The following RAB27B variants were observed in gnomAD, a reference collection of about 807,000 sequenced individuals.
RAB27B encodes the protein ras-related protein Rab-27B.
In RAB27B, 15 loss-of-function variants were observed where a neutral mutation model predicts 24.6. The observed-to-expected ratio is 0.61, with a 90% CI of 0.41 to 0.94. The LOEUF (loss-of-function observed/expected upper bound fraction) is 0.94. Among genes scored for constraint, RAB27B ranks in the 40% least tolerant of loss-of-function variants. The pLI is 0.00. For missense variants in RAB27B, 261 were observed against 266.8 expected (o/e 0.98, Z 0.15); for synonymous variants, 105 against 92.5 (o/e 1.14, Z -0.78).
chr18:54,887,664 A>G (rs1305522198), intron 4 of RAB27B, among the ~76,000 whole-genome samples: 1 of 152,182 alleles, frequency 6.6e-6, no homozygotes, highest in Non-Finnish European at 1.5e-5. Context: ...AGAACAGCGC[A>G]TGGATTAAAA....
chr18:54,719,086 C>G (rs1414322396), intron 2 of RAB27B, among the ~76,000 whole-genome samples: 1 of 152,052 alleles, frequency 6.6e-6, no homozygotes, highest in Non-Finnish European at 1.5e-5. Flanking sequence ...ACAGTACCAA[C>G]AAAATTTATT....
chr18:54,746,334 T>C (rs1328010470), intron 2 of RAB27B, among the ~76,000 whole-genome samples: 1 of 152,160 alleles, frequency 6.6e-6, no homozygotes, highest in African/African-American at 2.4e-5. Context: ...TTCTGGACGG[T>C]AAGAATGTTA....
chr18:54,844,177 G>C (rs1568092515), intron 1 of RAB27B, among the ~76,000 whole-genome samples: 1 of 152,112 alleles, frequency 6.6e-6, no homozygotes, highest in Non-Finnish European at 1.5e-5. Flanking sequence ...AAGAGACAGT[G>C]AATTAGCCAA....
At position 54,888,616 on chromosome 18, in the gene RAB27B, T is replaced by TA. The variant is rs893902941; in HGVS notation, c.467+509dup. ...TCCCAGCTGAGCTTGAATGGCAGCT[T>TA]AAAAAAAAAAACAGAAACAACACCC... On this transcript the variant is annotated intron_variant, in intron 5 of 5. Coordinates refer to ENST00000262094, the MANE Select transcript of RAB27B (RefSeq NM_004163.4). 3.1e-3 allele frequency among the ~76,000 whole-genome samples: 453 copies of TA among 145,642 alleles called. 1 individual carries two copies. The highest frequency in any genetic ancestry group is 9.6e-3 in the African/African-American group (383 of 40,044).
chr18:54,798,384 C>T (rs998590868), intron 2 of RAB27B, among the ~76,000 whole-genome samples: 6 of 152,224 alleles, frequency 3.9e-5, no homozygotes, highest in Admixed American at 2.6e-4. Flanking sequence ...TTCCATTTTG[C>T]TGATGACAAA....
chr18:54,768,473 A>G (rs774060493), intron 2 of RAB27B, among the ~76,000 whole-genome samples: 4 of 152,144 alleles, frequency 2.6e-5, no homozygotes, highest in Non-Finnish European at 4.4e-5. Flanking sequence ...CATATGTACT[A>G]AAAGTGGTCA....
At chr18:54,859,583 G>A (rs963641538) in intron 1 of RAB27B, among the ~76,000 whole-genome samples, 3 of 151,964 alleles carry the variant, frequency 2.0e-5, no homozygotes, top group African/African-American at 7.3e-5. Flanking sequence ...CTCTGAATGA[G>A]GCACCAAGAA....
At chr18:54,856,270 A>C (rs1911782244) in intron 1 of RAB27B, among the ~76,000 whole-genome samples, 1 of 152,206 alleles carries the variant, frequency 6.6e-6, no homozygotes, top group Non-Finnish European at 1.5e-5. Context: ...ATTCAGGTAG[A>C]GAGAACTGCA....
At chr18:54,787,161 A>C (rs994491968) in intron 2 of RAB27B, among the ~76,000 whole-genome samples, 1 of 152,150 alleles carries the variant, frequency 6.6e-6, no homozygotes, top group African/African-American at 2.4e-5. Flanking sequence ...CAGTTCTCCG[A>C]GGTTGGCTCC....
At chr18:54,787,764 A>G (rs2311211) in intron 2 of RAB27B, among the ~76,000 whole-genome samples, 146,461 of 151,996 alleles carry the variant, frequency 0.96, 70,797 homozygotes, top group South Asian at 1. Flanking sequence ...CTTGCCAATC[A>G]CTAGTGAGAT....
Position 54,892,609 on chromosome 18 carries a change from A to T in RAB27B, c.*3196A>T, listed in dbSNP as rs1419617563. The T allele has an allele frequency of 1.3e-5, 2 of 152,114 alleles. No individual in the cohort carries two copies. The highest frequency in any genetic ancestry group is 3.9e-4 in the East Asian group (2 of 5,190). The allele number at this position is 152,114 out of a possible 1,614,324, so 9.4% of individuals were successfully genotyped here. ...TAATGTTTGTCTTGGTCTGATAATG[A>T]TAAGAAGTCAAGGATTGGCAGAGAA... On this transcript the variant is annotated 3_prime_UTR_variant, in exon 6 of 6. Coordinates refer to ENST00000262094, the MANE Select transcript of RAB27B (RefSeq NM_004163.4).
At chr18:54,807,086 A>G (rs755991202) in intron 2 of RAB27B, among the ~76,000 whole-genome samples, 1 of 152,100 alleles carries the variant, frequency 6.6e-6, no homozygotes, top group Non-Finnish European at 1.5e-5. Flanking sequence ...TTTCTAGTAC[A>G]GATGGGGTTT....
intron 2 of RAB27B, among the ~76,000 whole-genome samples, chr18:54,726,667 G>C (rs1338866278): frequency 6.6e-6 from 1 of 151,570 alleles, no homozygotes; most frequent in Non-Finnish European, 1.5e-5. Flanking sequence ...AATAATACTG[G>C]AGGAAACATT....
At chr18:54,833,245 T>TTTTTA (rs1910762075) in intron 1 of RAB27B, among the ~76,000 whole-genome samples, 1 of 149,908 alleles carries the variant, frequency 6.7e-6, no homozygotes, top group Non-Finnish European at 1.5e-5. Context: ...TTTTTTTTTT[T>TTTTTA]TTTGAGATGG....
chr18:54,876,833 G>A (rs1423111252), intron 1 of RAB27B, among the ~76,000 whole-genome samples: 1 of 151,940 alleles, frequency 6.6e-6, no homozygotes, highest in East Asian at 1.9e-4. Context: ...TATCTGCATC[G>A]TCTTGGACTG....
chr18:54,749,677 A>G lies in RAB27B; in HGVS notation c.-20+31536A>G, dbSNP rs1458803315. The stretch of plus-strand genomic sequence containing the variant: ...AAGAATGTTATATTTTTTAAAAGCT[A>G]CTGAGTGGGATAAAAGAGTCCAAAG... On this transcript the variant is annotated intron_variant, in intron 2 of 4. Coordinates refer to the RAB27B transcript ENST00000586570. 3.3e-5 allele frequency among the ~76,000 whole-genome samples: 5 copies of G among 152,358 alleles called. No homozygotes were observed. The South Asian group carries it at 8.3e-4, about 25-fold the overall frequency.
intron 1 of RAB27B, among the ~76,000 whole-genome samples, chr18:54,849,626 C>A (rs970457430): frequency 7.2e-5 from 11 of 152,210 alleles, no homozygotes; most frequent in African/African-American, 2.6e-4. Context: ...AAGGCTGAGG[C>A]AGGAAAATCT....
rs547693658 is a variant in RAB27B at position 54,782,851 on chromosome 18, C to T, written c.-20+64710C>T. ...AACTCAGTTCCATTGAAGATGTAAA[C>T]ATAAAGTATCAGAACCCTGTACAAA... On this transcript the variant is annotated intron_variant, in intron 2 of 4. Transcript: ENST00000586570. 5.3e-5 allele frequency among the ~76,000 whole-genome samples: 8 copies of T among 152,034 alleles called. No individual in the cohort carries two copies. In the South Asian group the frequency reaches 8.3e-4, roughly 16 times the overall value.
At chr18:54,761,657 C>G (rs2145051613) in intron 2 of RAB27B, among the ~76,000 whole-genome samples, 1 of 152,256 alleles carries the variant, frequency 6.6e-6, no homozygotes, top group African/African-American at 2.4e-5. Context: ...TCTCTTATTT[C>G]TAAAGTAGTG....
Sources: allele counts gnomAD v4.1 joint callset (sites outside exome capture counted in the v4.1 genomes callset), GRCh38; gene constraint gnomAD v4.1.1; transcripts MANE v1.5; gene names NCBI Gene and HGNC (gene_info 2026-07-23, HGNC 2026-07-21).